The following MIB1 variants were observed in gnomAD, a reference collection of about 807,000 sequenced individuals.
MIB1 encodes MIB E3 ubiquitin protein ligase 1, also known as E3 ubiquitin-protein ligase MIB1.
MIB1 carries 278 observed loss-of-function variants against 124.5 expected under a neutral mutation model. That is an observed-to-expected ratio of 2.23 (90% CI 2.02 to 2.47). The LOEUF is 2.47. Among genes scored for constraint, MIB1 ranks in the 30% most tolerant of loss-of-function variants. MIB1 has a pLI of 0.00. For synonymous variants in MIB1, 446 were observed against 429.4 expected (o/e 1.04, Z -0.48); for missense variants, 957 against 1,254.4 (o/e 0.76, Z 3.58).
rs1431261103 is a variant in MIB1, at chr18:21,861,190, A to G, written c.2880+2544A>G. On this transcript the variant is annotated intron_variant, in intron 20 of 20. Coordinates refer to ENST00000261537, the MANE Select transcript of MIB1 (RefSeq NM_020774.4). ...TTATAGAATGAATAAGTGAAGATCA[A>G]TATGAATTTAATGGTTCTTAATGTA... is the stretch of plus-strand genomic sequence containing the variant. 4.6e-5 allele frequency among the ~76,000 whole-genome samples: 7 copies of G among 152,326 alleles called. No individual in the cohort carries two copies. The South Asian group carries it at 6.2e-4, about 14-fold the overall frequency.
rs1312141714 is a variant in MIB1, at chr18:21,835,832, C to A, written c.1830-2533C>A. 1.3e-3 allele frequency among the ~76,000 whole-genome samples: 107 copies of A among 80,286 alleles called. 1 individual carries two copies. The highest frequency in any genetic ancestry group is 4.8e-3 in the Admixed American group (32 of 6,670). The allele number at this position is 80,286 out of a possible 152,430, so 52.7% of individuals were successfully genotyped here. On this transcript the variant is annotated intron_variant, in intron 12 of 20. Coordinates refer to ENST00000261537, the MANE Select transcript of MIB1 (RefSeq NM_020774.4). Reference sequence around the variant, plus strand: ...ACACACACACACACACACACACACACACACACAAACACACACGAGGAGTAT... The same window carrying A: ...ACACACACACACACACACACACACAAACACACAAACACACACGAGGAGTAT...
intron 1 of MIB1, among the ~76,000 whole-genome samples, chr18:21,731,361 A>G (rs1245593915): frequency 6.6e-6 from 1 of 152,154 alleles, no homozygotes; most frequent in South Asian, 2.1e-4. Flanking sequence ...GTATTATTCT[A>G]TTGTATGACT....
At position 21,821,594 on chromosome 18, in the gene MIB1, G is replaced by T. The variant is rs796987028; in HGVS notation, c.1829+1948G>T. ...TCCTTGTTCTGTGTGTGTTTTTTTT[G>T]TTTTTTTTGTTTTTTTTTTTTTGAG... On this transcript the variant is annotated intron_variant, in intron 12 of 20. Coordinates refer to ENST00000261537, the MANE Select transcript of MIB1 (RefSeq NM_020774.4). 2.5e-3 allele frequency among the ~76,000 whole-genome samples: 371 copies of T among 146,254 alleles called. 2 individuals are homozygous for T. Among genetic ancestry groups the T allele is most frequent in the African/African-American group, 7.7e-3 (305 of 39,624 alleles).
chr18:21,815,460 G>C (rs1203150606), intron 10 of MIB1, among the ~76,000 whole-genome samples, 156 bp from the exon 11 acceptor site: 2 of 152,130 alleles, frequency 1.3e-5, no homozygotes, highest in African/African-American at 4.8e-5. Context: ...TGGGATTACA[G>C]GCATGAGCCA....
At chr18:21,817,060 C>T (rs141426574) in intron 11 of MIB1, among the ~76,000 whole-genome samples, 116 of 151,374 alleles carry the variant, frequency 7.7e-4, no homozygotes, top group Non-Finnish European at 1.5e-3. Flanking sequence ...GTTAGAAGCC[C>T]GTTTCAGGTT....
chr18:21,805,331 CAT>C (rs2041691775), intron 10 of MIB1, among the ~76,000 whole-genome samples: 1 of 152,000 alleles, frequency 6.6e-6, no homozygotes, highest in Non-Finnish European at 1.5e-5. Flanking sequence ...TTTAAATTAG[CAT>C]ATTAGATATC....
At chr18:21,844,603 A>G (rs1001501325) in intron 15 of MIB1, among the ~76,000 whole-genome samples, 3 of 151,918 alleles carry the variant, frequency 2.0e-5, no homozygotes, top group East Asian at 1.9e-4. Context: ...TAATTTTTGT[A>G]TTTTTAGTAG....
At chr18:21,844,004 C>T in intron 14 of MIB1, 88 bp from the exon 15 acceptor site, 1 of 1,180,486 alleles carries the variant, frequency 8.5e-7, no homozygotes, top group Non-Finnish European at 1.1e-6. Context: ...TTCAGTAGGT[C>T]CAGGGTGTTC....
Position 21,834,245 on chromosome 18 carries a change from C to G in MIB1, c.1830-4120C>G, listed in dbSNP as rs537583983. 6.6e-5 allele frequency among the ~76,000 whole-genome samples: 10 copies of G among 152,278 alleles called. No individual in the cohort carries two copies. In the South Asian group the frequency reaches 2.1e-3, roughly 32 times the overall value. Reference sequence around the variant, plus strand: ...CAGAAACTGTTTTGCTTAACTTTCCCTTAGCTTACCTTGCAGGCTGGGCCC... The same window carrying G: ...CAGAAACTGTTTTGCTTAACTTTCCGTTAGCTTACCTTGCAGGCTGGGCCC... On this transcript the variant is annotated intron_variant, in intron 12 of 20. Coordinates refer to ENST00000261537, the MANE Select transcript of MIB1 (RefSeq NM_020774.4).
Position 21,748,362 on chromosome 18 carries a change from TCCCTCCCTCTCTCCC to T in MIB1, c.229+6581_229+6595del, listed in dbSNP as rs796370569. ...TTGCTTTTCTTCCTCTCTCCCTCCCTCCCTCCCTCTCTCCCCCCTCCCTCTCTCCCCCCTCCCTCT... is the reference window on the plus strand; with the variant it reads ...TTGCTTTTCTTCCTCTCTCCCTCCCTCCCTCCCTCTCTCCCCCCTCCCTCT... On this transcript the variant is annotated intron_variant, in intron 1 of 20. Coordinates refer to ENST00000261537, the MANE Select transcript of MIB1 (RefSeq NM_020774.4). Among the ~76,000 whole-genome samples, 106 of 62,164 alleles carry T rather than the reference TCCCTCCCTCTCTCCC, an allele frequency of 1.7e-3. 1 individual carries two copies. The highest frequency in any genetic ancestry group is 0.012 in the East Asian group (25 of 2,002). The allele number at this position is 62,164 out of a possible 152,430, so 40.8% of individuals were successfully genotyped here.
chr18:21,788,154 T>A (rs961518886), intron 6 of MIB1, among the ~76,000 whole-genome samples: 6 of 152,210 alleles, frequency 3.9e-5, no homozygotes, highest in African/African-American at 1.4e-4. Flanking sequence ...TTAATTTTAT[T>A]TGGGCCAAAA....
chr18:21,727,306 G>A (rs2040746817), intron 1 of MIB1, among the ~76,000 whole-genome samples: 1 of 152,124 alleles, frequency 6.6e-6, no homozygotes, highest in African/African-American at 2.4e-5. Context: ...GCTAATTTTT[G>A]TGTTTTAGTA....
intron 11 of MIB1, among the ~76,000 whole-genome samples, chr18:21,817,194 C>G (rs1381153532): frequency 8.9e-6 from 1 of 112,472 alleles, no homozygotes; most frequent in East Asian, 2.8e-4. Flanking sequence ...CAGGGTCTTG[C>G]TCTGTTGCCC....
chr18:21,815,092 AATAC>A (rs1227785690), intron 10 of MIB1, among the ~76,000 whole-genome samples: 19 of 132,474 alleles, frequency 1.4e-4, no homozygotes, highest in African/African-American at 3.1e-4. Context: ...TAAATAAATA[AATAC>A]ATATATATAA....
rs189119112 is a variant in MIB1, at chr18:21,764,503, C to T, written c.230-1269C>T. On this transcript the variant is annotated intron_variant, in intron 1 of 20. Coordinates refer to ENST00000261537, the MANE Select transcript of MIB1 (RefSeq NM_020774.4). ...AGCATGTTACTTGATTTTTAGAACA[C>T]GTTGTCTCACCTTTAAAGAATATAT... 2.7e-3 allele frequency among the ~76,000 whole-genome samples: 404 copies of T among 152,214 alleles called. 2 individuals carry two copies. The highest frequency in any genetic ancestry group is 8.7e-3 in the African/African-American group (360 of 41,528).
Position 21,831,772 on chromosome 18 carries a change from A to G in MIB1, c.1830-6593A>G, listed in dbSNP as rs139016380. Among the ~76,000 whole-genome samples, 123 of 152,210 alleles carry G rather than the reference A, an allele frequency of 8.1e-4. 1 individual carries two copies. The highest frequency in any genetic ancestry group is 2.9e-3 in the African/African-American group (120 of 41,532). On this transcript the variant is annotated intron_variant, in intron 12 of 20. Coordinates refer to ENST00000261537, the MANE Select transcript of MIB1 (RefSeq NM_020774.4). ...TAGGAAAGCCTGATGCACTGTCACT[A>G]TACTTAGAAGCACTGCAGAGAAAAA...
At chr18:21,773,115 A>C (rs1050484695) in intron 3 of MIB1, among the ~76,000 whole-genome samples, 2 of 152,072 alleles carry the variant, frequency 1.3e-5, no homozygotes, top group Non-Finnish European at 2.9e-5. Flanking sequence ...AAACTACAAA[A>C]ATTAGCCAGG....
rs569393613 is a variant in MIB1, at chr18:21,709,187, G to A, written n.167+4064G>A. Among the ~76,000 whole-genome samples the A allele has an allele frequency of 2.5e-4, 38 of 152,010 alleles. No individual in the cohort carries two copies. In the East Asian group the frequency reaches 6.8e-3, roughly 27 times the overall value. ...AAAAAAATTAGCTGGGTGCAGTGGC[G>A]GGTGCCTGTGGTCTCAGCTACTCAG... On this transcript the variant is annotated intron_variant and non_coding_transcript_variant, in intron 1 of 20. Transcript: ENST00000578646.
At chr18:21,860,155 C>T (rs1324332135) in intron 20 of MIB1, among the ~76,000 whole-genome samples, 2 of 116,504 alleles carry the variant, frequency 1.7e-5, no homozygotes, top group African/African-American at 6.7e-5. Flanking sequence ...GGCTGGAGTG[C>T]AGTGGCGCAA....
Sources: allele counts gnomAD v4.1 joint callset (sites outside exome capture counted in the v4.1 genomes callset), GRCh38; gene constraint gnomAD v4.1.1; transcripts MANE v1.5; gene names NCBI Gene and HGNC (gene_info 2026-07-23, HGNC 2026-07-21).